Variants in C11orf65 observed in about 807,000 individuals in gnomAD.
C11orf65 encodes chromosome 11 open reading frame 65.
Under a neutral mutation model 35.3 loss-of-function variants are expected in C11orf65, and 38 were observed. The observed-to-expected ratio is 1.08, with a 90% CI of 0.83 to 1.41. C11orf65 has a LOEUF of 1.41. Among genes scored for constraint, C11orf65 ranks in the 40% most tolerant of loss-of-function variants. The probability of loss-of-function intolerance (pLI) is 0.00; values close to 1 mark genes in which losing one functional copy is unlikely to be tolerated. For synonymous variants in C11orf65, 105 were observed against 114.4 expected (o/e 0.92, Z 0.53); for missense variants, 370 against 367.1 (o/e 1.01, Z -0.06).
chr11:108,310,651 A>G (rs1315612698), intron 6 of C11orf65, among the ~76,000 whole-genome samples: 2 of 152,140 alleles, frequency 1.3e-5, no homozygotes, highest in Non-Finnish European at 2.9e-5. Context: ...TCAAATGATT[A>G]AATTATTTCC....
At chr11:108,460,786 C>T (rs1012362658) in intron 2 of C11orf65, among the ~76,000 whole-genome samples, 31 of 151,976 alleles carry the variant, frequency 2.0e-4, no homozygotes, top group African/African-American at 6.3e-4. Flanking sequence ...AGTGCAATGG[C>T]GTGATCTCGG....
Position 108,365,708 on chromosome 11 carries a change from C to G in C11orf65, c.226+27500G>C, listed in dbSNP as rs988427500. 7 of 705,332 alleles carry G rather than the reference C, an allele frequency of 9.9e-6. 1 individual carries two copies. In the South Asian group the frequency reaches 1.4e-4, roughly 14 times the overall value. 43.7% of individuals were successfully genotyped at this position (705,332 alleles called of 1,614,324 possible). A position where few individuals can be genotyped will look rare whatever the true frequency, so the allele number is the denominator to read the frequency against. On this transcript the variant is annotated intron_variant, in intron 2 of 3. Transcript: ENST00000524755. ...GTCTTAAGGAACATCTCTGCTTTCA[C>G]TCTTTAGAAATAATGGTCATTCGGG... is the stretch of plus-strand genomic sequence containing the variant.
rs1346974954 is a variant in C11orf65 at position 108,387,524 on chromosome 11, GTATT to G, written c.732-1553_732-1550del. 2.6e-5 allele frequency among the ~76,000 whole-genome samples: 4 copies of G among 152,024 alleles called. No individual in the cohort carries two copies. In the East Asian group the frequency reaches 7.7e-4, roughly 29 times the overall value. ...AGTAGGAGGGTATATACTTCCAACAGTATTTAATACTTATTTTTATGGAGACAAG... is the reference window on the plus strand; with the variant it reads ...AGTAGGAGGGTATATACTTCCAACAGTAATACTTATTTTTATGGAGACAAG... On this transcript the variant is annotated intron_variant, in intron 7 of 8. Coordinates refer to ENST00000393084, the MANE Select transcript of C11orf65 (RefSeq NM_152587.5).
At chr11:108,359,640 T>A (rs1233622917) in intron 2 of C11orf65, among the ~76,000 whole-genome samples, 1 of 152,040 alleles carries the variant, frequency 6.6e-6, no homozygotes, top group Non-Finnish European at 1.5e-5. Flanking sequence ...GGATTAAGAA[T>A]CTCACTCAAA....
chr11:108,354,110 T>C (rs1219170762), intron 2 of C11orf65, among the ~76,000 whole-genome samples: 1 of 128,416 alleles, frequency 7.8e-6, no homozygotes. Context: ...CACACACGGG[T>C]TAGAGATTTG....
At chr11:108,448,683 G>A (rs1212489776) in intron 2 of C11orf65, among the ~76,000 whole-genome samples, 1 of 152,152 alleles carries the variant, frequency 6.6e-6, no homozygotes, top group Non-Finnish European at 1.5e-5. Flanking sequence ...ATATCATACT[G>A]AATGGGCAAA....
At chr11:108,450,715 G>A (rs1266275727) in intron 2 of C11orf65, among the ~76,000 whole-genome samples, 9 of 151,384 alleles carry the variant, frequency 5.9e-5, no homozygotes, top group Non-Finnish European at 1.3e-4. Flanking sequence ...CACGGCACAT[G>A]TATACATATG....
At chr11:108,377,393 C>G (rs1322621643) in intron 2 of C11orf65, among the ~76,000 whole-genome samples, 1 of 152,142 alleles carries the variant, frequency 6.6e-6, no homozygotes, top group Admixed American at 6.5e-5. Flanking sequence ...ATGATTATCT[C>G]AATAGATGCA....
At chr11:108,368,335 A>C (rs2091439738) in intron 2 of C11orf65, 1 of 215,398 alleles carries the variant, frequency 4.6e-6, no homozygotes, top group Non-Finnish European at 9.4e-6. Flanking sequence ...TCTTTCTGCA[A>C]ATGACTAAGA....
At chr11:108,386,669 T>C (rs1004197632) in intron 7 of C11orf65, among the ~76,000 whole-genome samples, 1 of 152,162 alleles carries the variant, frequency 6.6e-6, no homozygotes, top group African/African-American at 2.4e-5. Flanking sequence ...TTAGGCTCCA[T>C]ATCCCACTTT....
intron 7 of C11orf65, among the ~76,000 whole-genome samples, chr11:108,390,317 C>A (rs1276523264): frequency 6.6e-6 from 1 of 152,200 alleles, no homozygotes; most frequent in African/African-American, 2.4e-5. Flanking sequence ...AGCCACCACA[C>A]CCAGCCTGTT....
chr11:108,329,148 A>G (rs771994581), downstream of C11orf65: 5 of 1,614,096 alleles, frequency 3.1e-6, no homozygotes, highest in Non-Finnish European at 4.2e-6. Flanking sequence ...AACTACATGA[A>G]ATCATCGGAA....
downstream of C11orf65, chr11:108,327,757 A>T (rs757293178): frequency 1.2e-6 from 2 of 1,612,602 alleles, no homozygotes; most frequent in Non-Finnish European, 1.7e-6. Context: ...TATCTAGAAA[A>T]GGTAAGATTT....
intron 3 of C11orf65, among the ~76,000 whole-genome samples, chr11:108,419,637 G>A (rs1055708854): frequency 6.6e-6 from 1 of 152,158 alleles, no homozygotes; most frequent in Admixed American, 6.5e-5. Context: ...AGGAGGTTGA[G>A]GCTGCAGTGA....
chr11:108,357,672 C>G (rs1018775553), intron 2 of C11orf65, among the ~76,000 whole-genome samples: 15 of 152,260 alleles, frequency 9.9e-5, no homozygotes, highest in African/African-American at 3.6e-4. Flanking sequence ...GAGGCACCCC[C>G]CAGCAGGGGC....
intron 2 of C11orf65, among the ~76,000 whole-genome samples, chr11:108,456,352 CAATT>C (rs760170423): frequency 6.6e-6 from 1 of 152,094 alleles, no homozygotes; most frequent in South Asian, 2.1e-4. Flanking sequence ...GTATACACAA[CAATT>C]AATTTGAGAT....
intron 7 of C11orf65, among the ~76,000 whole-genome samples, chr11:108,386,481 G>C (rs745942985): frequency 3.9e-5 from 6 of 152,152 alleles, no homozygotes; most frequent in Non-Finnish European, 8.8e-5. Flanking sequence ...TCCAGAACAC[G>C]TTAAGAGATA....
intron 3 of C11orf65, among the ~76,000 whole-genome samples, chr11:108,417,125 G>A (rs926217142): frequency 6.6e-6 from 1 of 152,212 alleles, no homozygotes; most frequent in Non-Finnish European, 1.5e-5. Context: ...GAGACATACA[G>A]AGAGTAAATA....
intron 2 of C11orf65, among the ~76,000 whole-genome samples, chr11:108,338,980 A>G (rs1409933620): frequency 6.6e-6 from 1 of 152,182 alleles, no homozygotes; most frequent in Non-Finnish European, 1.5e-5. Context: ...AAGAGCATAC[A>G]TTGACTACCT....
Sources: allele counts gnomAD v4.1 joint callset (sites outside exome capture counted in the v4.1 genomes callset), GRCh38; gene constraint gnomAD v4.1.1; transcripts MANE v1.5; gene names NCBI Gene and HGNC (gene_info 2026-07-23, HGNC 2026-07-21).